The following RGPD2 variants were observed in gnomAD, a reference collection of about 807,000 sequenced individuals.
RGPD2 encodes RANBP2 like and GRIP domain containing 2, also known as RANBP2-like and GRIP domain-containing protein 2.
RGPD2 carries 2 observed loss-of-function variants against 36.0 expected under a neutral mutation model. That is an observed-to-expected ratio of 0.06 (90% CI 0.02 to 0.17). RGPD2 has a LOEUF of 0.17. Ranked by LOEUF, RGPD2 falls within the 10% of genes least tolerant of loss-of-function variation. The probability of loss-of-function intolerance (pLI) is 1.00; values close to 1 mark genes in which losing one functional copy is unlikely to be tolerated. For synonymous variants in RGPD2, 19 were observed against 163.8 expected, an observed-to-expected ratio of 0.12 and a Z score of 6.75; for missense variants, 40 against 464.3, an observed-to-expected ratio of 0.09 and a Z score of 8.40.
chr2:87,772,565 A>G (rs1452024844), intron 21 of RGPD2, among the ~76,000 whole-genome samples: 3 of 38,892 alleles, frequency 7.7e-5, no homozygotes, highest in Non-Finnish European at 1.1e-4. Context: ...TATAAAATCC[A>G]TTTGACATGA....
chr2:87,870,023 G>A, the RGPD2 span, among the ~76,000 whole-genome samples: 145 of 152,002 alleles, frequency 9.5e-4, no homozygotes, highest in African/African-American at 3.2e-3. Flanking sequence ...TTGAACTCTC[G>A]TCTTTTCTAC....
the RGPD2 span, among the ~76,000 whole-genome samples, chr2:87,880,893 T>C: frequency 9.0e-6 from 1 of 110,602 alleles, no homozygotes; most frequent in Non-Finnish European, 1.8e-5. Context: ...AAGCAAGTTA[T>C]GTACTTCCAA....
At chr2:87,903,365 A>AG in the RGPD2 span, among the ~76,000 whole-genome samples, 1 of 152,110 alleles carries the variant, frequency 6.6e-6, no homozygotes, top group African/African-American at 2.4e-5. Flanking sequence ...CCCACGGGAA[A>AG]GATTTGCAGT....
chr2:87,877,477 G>A, the RGPD2 span, among the ~76,000 whole-genome samples: 4 of 152,194 alleles, frequency 2.6e-5, no homozygotes, highest in South Asian at 6.2e-4. Context: ...GTTTTGCCAG[G>A]TACAAAATTC....
At chr2:87,805,732 C>T (rs1288912575) in intron 7 of RGPD2, among the ~76,000 whole-genome samples, 20 of 151,850 alleles carry the variant, frequency 1.3e-4, no homozygotes, top group African/African-American at 2.7e-4. Flanking sequence ...TGGTGGTGGG[C>T]GCTTGTAGTT....
At chr2:87,911,435 T>C in the RGPD2 span, among the ~76,000 whole-genome samples, 1 of 151,160 alleles carries the variant, frequency 6.6e-6, no homozygotes, top group African/African-American at 2.4e-5. Flanking sequence ...CCGGTTTCTT[T>C]TTTGTTAACA....
At chr2:87,977,563 C>G in the RGPD2 span, among the ~76,000 whole-genome samples, 1 of 150,180 alleles carries the variant, frequency 6.7e-6, no homozygotes, top group Non-Finnish European at 1.5e-5. Flanking sequence ...CCTGTAATCC[C>G]AACACTCTGG....
the RGPD2 span, among the ~76,000 whole-genome samples, chr2:87,830,940 C>A: frequency 6.6e-6 from 1 of 152,076 alleles, no homozygotes; most frequent in East Asian, 1.9e-4. Flanking sequence ...ACCGTCAAAC[C>A]ATATCACAAA....
chr2:87,848,857 G>A, the RGPD2 span, among the ~76,000 whole-genome samples: 2 of 122,372 alleles, frequency 1.6e-5, no homozygotes, highest in East Asian at 2.3e-4. Context: ...AATTGAGGGT[G>A]TGGTGTGTGT....
At chr2:87,771,398 T>TG (rs1685110314) in intron 22 of RGPD2, 1 of 29,778 alleles carries the variant, frequency 3.4e-5, no homozygotes, top group African/African-American at 1.1e-4. Context: ...TTTTTTTTTT[T>TG]TTTTTTTTTT....
chr2:87,873,342 C>T, the RGPD2 span, among the ~76,000 whole-genome samples: 4 of 143,918 alleles, frequency 2.8e-5, no homozygotes, highest in Non-Finnish European at 4.5e-5. Context: ...GATTTATATT[C>T]CCTTGGGTAT....
the RGPD2 span, among the ~76,000 whole-genome samples, chr2:87,906,893 C>T: frequency 6.9e-6 from 1 of 144,330 alleles, no homozygotes; most frequent in Non-Finnish European, 1.5e-5. Flanking sequence ...GAACTCCGGC[C>T]TTGGTGACAG....
At chr2:87,945,530 AG>A in the RGPD2 span, among the ~76,000 whole-genome samples, 2 of 149,240 alleles carry the variant, frequency 1.3e-5, no homozygotes, top group Non-Finnish European at 3.0e-5. Flanking sequence ...AGATGAATTC[AG>A]GCAGGGCCAC....
At chr2:87,977,493 A>G in the RGPD2 span, among the ~76,000 whole-genome samples, 1 of 151,532 alleles carries the variant, frequency 6.6e-6, no homozygotes, top group Non-Finnish European at 1.5e-5. Context: ...CATCTGGCAA[A>G]CAATCTTGTG....
At chr2:87,885,190 G>T in the RGPD2 span, among the ~76,000 whole-genome samples, 4 of 151,990 alleles carry the variant, frequency 2.6e-5, no homozygotes, top group Non-Finnish European at 2.9e-5. Context: ...ATGCAAGATT[G>T]GTTGAACATA....
the RGPD2 span, among the ~76,000 whole-genome samples, chr2:87,913,875 ACACT>A: frequency 2.0e-5 from 3 of 152,138 alleles, no homozygotes; most frequent in African/African-American, 7.2e-5. Context: ...TTTCTACCTG[ACACT>A]CTATGTAACA....
At chr2:87,957,910 T>G in the RGPD2 span, among the ~76,000 whole-genome samples, 2 of 152,304 alleles carry the variant, frequency 1.3e-5, no homozygotes, top group African/African-American at 4.8e-5. Flanking sequence ...AAGAGAATCA[T>G]GGATGCACTA....
At chr2:87,836,742 C>T in the RGPD2 span, among the ~76,000 whole-genome samples, 1 of 151,956 alleles carries the variant, frequency 6.6e-6, no homozygotes, top group Non-Finnish European at 1.5e-5. Context: ...TCAATATTAA[C>T]ATCCAATGAA....
At chr2:87,882,701 A>G in the RGPD2 span, among the ~76,000 whole-genome samples, 1 of 152,230 alleles carries the variant, frequency 6.6e-6, no homozygotes, top group Non-Finnish European at 1.5e-5. Flanking sequence ...CATTTTAACA[A>G]TATTAATTCT....
Sources: gnomAD v4.1 joint callset for allele counts (sites outside exome capture counted in the v4.1 genomes callset) on GRCh38, gnomAD v4.1.1 for gene constraint, MANE v1.5 for transcripts, NCBI Gene and HGNC (gene_info 2026-07-23, HGNC 2026-07-21) for gene names.